Variants in ACACA observed in about 807,000 individuals in gnomAD.
ACACA encodes the protein acetyl-CoA carboxylase 1.
ACACA carries 103 observed loss-of-function variants against 296.1 expected under a neutral mutation model. That is an observed-to-expected ratio of 0.35 (90% CI 0.30 to 0.41). ACACA has a LOEUF of 0.41. ACACA is among the 10% of genes least tolerant of loss of function. The pLI is 1.00. For missense variants in ACACA, 1,554 were observed against 2,989.7 expected (o/e 0.52, Z 11.20); for synonymous variants, 953 against 1,038.6 (o/e 0.92, Z 1.58).
intron 1 of ACACA, chr17:37,388,731 T>C: frequency 6.2e-7 from 1 of 1,612,604 alleles, no homozygotes; most frequent in Non-Finnish European, 8.5e-7. Flanking sequence ...TTCTGATTGC[T>C]GTCACCCTGT....
Position 37,314,486 on chromosome 17 carries a change from G to C in ACACA, c.338+15687C>G, listed in dbSNP as rs1046062510. Among the ~76,000 whole-genome samples, 10 of 152,138 alleles carry C rather than the reference G, an allele frequency of 6.6e-5. No individual in the cohort carries two copies. In the South Asian group the frequency reaches 2.1e-3, roughly 32 times the overall value. Reference sequence around the variant, plus strand: ...AAACATTTATTAAGCACTGAAATGTGCCAAGCATTGTTCTAAGCTCTGAAA... The same window carrying C: ...AAACATTTATTAAGCACTGAAATGTCCCAAGCATTGTTCTAAGCTCTGAAA... On this transcript the variant is annotated intron_variant, in intron 3 of 55. Transcript: ENST00000616317.
At chr17:37,331,911 A>C (rs978972228) in intron 2 of ACACA, among the ~76,000 whole-genome samples, 13 of 152,062 alleles carry the variant, frequency 8.5e-5, no homozygotes, top group African/African-American at 2.7e-4. Flanking sequence ...AAAAAAAAAA[A>C]AACTTTACTT....
rs888049586 is a variant in ACACA at position 37,151,503 on chromosome 17, CGGCTAAAAGTGTATT to C, written c.5448-97_5448-83del. On this transcript the variant is annotated intron_variant, in intron 43 of 55. Transcript: ENST00000616317. ...TAAAAGAATAATCACCAATAAAAGG[CGGCTAAAAGTGTATT>C]GAAAGCTTATATTTAATGCCAGGGC... 3 of 1,553,514 alleles carry C rather than the reference CGGCTAAAAGTGTATT, an allele frequency of 1.9e-6. No individual in the cohort carries two copies. In the African/African-American group the frequency reaches 4.1e-5, roughly 21 times the overall value.
chr17:37,394,462 CG>C, intron 1 of ACACA, among the ~76,000 whole-genome samples: 1 of 151,938 alleles, frequency 6.6e-6, no homozygotes, highest in South Asian at 2.1e-4. Context: ...CCACCCGCGT[CG>C]GCCTCACAAA....
intron 1 of ACACA, chr17:37,391,789 C>G (rs1040683959): frequency 2.2e-6 from 3 of 1,368,232 alleles, no homozygotes; most frequent in Non-Finnish European, 3.1e-6. Flanking sequence ...AATATGGGCA[C>G]ATTCTTGCCA....
chr17:37,234,883 G>GT (rs1314395880), intron 25 of ACACA, 92 bp downstream of exon 25: 74 of 1,425,736 alleles, frequency 5.2e-5, no homozygotes, highest in Non-Finnish European at 6.3e-5. Context: ...AAAGGCAGTA[G>GT]TTTTTTTTCT....
At chr17:37,207,128 TTTTG>T (rs1398653985) in intron 31 of ACACA, among the ~76,000 whole-genome samples, 1 of 152,190 alleles carries the variant, frequency 6.6e-6, no homozygotes, top group Non-Finnish European at 1.5e-5. Context: ...TCTAAAGCTT[TTTTG>T]TTTGTTTTGT....
intron 39 of ACACA, among the ~76,000 whole-genome samples, chr17:37,186,764 G>A (rs1325126244): frequency 6.6e-6 from 1 of 152,072 alleles, no homozygotes; most frequent in Non-Finnish European, 1.5e-5. Flanking sequence ...CATTCTTTCA[G>A]ATGCTTATTG....
At chr17:37,378,709 G>C (rs2050111630) in intron 1 of ACACA, among the ~76,000 whole-genome samples, 1 of 151,944 alleles carries the variant, frequency 6.6e-6, no homozygotes, top group African/African-American at 2.4e-5. Flanking sequence ...GCAAAACTCT[G>C]GGCAACAAGA....
intron 3 of ACACA, among the ~76,000 whole-genome samples, chr17:37,291,220 G>C (rs2083049418): frequency 1.4e-5 from 2 of 145,874 alleles, no homozygotes; most frequent in Admixed American, 1.4e-4. Flanking sequence ...TTGTTGCCCA[G>C]GCTGGAGTAC....
chr17:37,339,784 G>A lies in ACACA; in HGVS notation c.85+20C>T, dbSNP rs751671601. 2 of 1,341,176 alleles carry A rather than the reference G, an allele frequency of 1.5e-6. No individual in the cohort carries two copies. The highest frequency in any genetic ancestry group is 1.1e-6 in the Non-Finnish European group (1 of 939,372). The allele number at this position is 1,341,176 out of a possible 1,614,324, so 83.1% of individuals were successfully genotyped here. A position where few individuals can be genotyped will look rare whatever the true frequency, so the allele number is the denominator to read the frequency against. On this transcript the variant is annotated intron_variant, in intron 2 of 55. Coordinates refer to ENST00000616317, the MANE Select transcript of ACACA (RefSeq NM_198834.3). ...AAATTTTTATCACATTGTAAACAAG[G>A]AGTATTATTTGTAACTGACCTCTTA... is the stretch of plus-strand genomic sequence containing the variant.
intron 1 of ACACA, among the ~76,000 whole-genome samples, chr17:37,389,912 G>A (rs564623072): frequency 6.7e-6 from 1 of 150,120 alleles, no homozygotes; most frequent in African/African-American, 2.5e-5. Context: ...ATACAATAGG[G>A]TGCTTATTGA....
chr17:37,272,398 C>G (rs2082108045), intron 9 of ACACA, among the ~76,000 whole-genome samples: 2 of 152,122 alleles, frequency 1.3e-5, no homozygotes, highest in South Asian at 2.1e-4. Context: ...AATTTTTAAT[C>G]TATGTCAATC....
At chr17:37,130,275 G>A (rs188102863) in intron 45 of ACACA, 57 bp from the exon 46 acceptor site, 310 of 1,600,428 alleles carry the variant, frequency 1.9e-4, no homozygotes, top group South Asian at 3.1e-4. Flanking sequence ...AGGCATGGTC[G>A]ATTTCACAAG....
At chr17:37,305,306 A>T (rs1441630133) in intron 3 of ACACA, among the ~76,000 whole-genome samples, 1 of 152,136 alleles carries the variant, frequency 6.6e-6, no homozygotes, top group Non-Finnish European at 1.5e-5. Flanking sequence ...GCCTGAGCTA[A>T]ATCTGTGAAT....
chr17:37,370,485 A>G (rs975158531), intron 1 of ACACA, among the ~76,000 whole-genome samples: 2 of 107,790 alleles, frequency 1.9e-5, no homozygotes, highest in African/African-American at 1.2e-4. Flanking sequence ...AGTCTCTACT[A>G]AAAAAAAAAA....
chr17:37,143,014 T>C lies in ACACA; in HGVS notation c.5679+6850A>G, dbSNP rs886474381. Among the ~76,000 whole-genome samples, 3 of 152,212 alleles carry C rather than the reference T, an allele frequency of 2.0e-5. No individual in the cohort carries two copies. The East Asian group carries it at 5.8e-4, about 29-fold the overall frequency. On this transcript the variant is annotated intron_variant, in intron 45 of 55. Coordinates refer to ENST00000616317, the MANE Select transcript of ACACA (RefSeq NM_198834.3). ...GAAGACTATGGCAGTGCCAATGTTT[T>C]ACCTATTTTGGCTCATTTAATTCTC...
At chr17:37,308,011 T>C (rs2083961296) in intron 3 of ACACA, among the ~76,000 whole-genome samples, 4 of 152,100 alleles carry the variant, frequency 2.6e-5, no homozygotes, top group African/African-American at 9.7e-5. Flanking sequence ...ATAGAACCTA[T>C]AATCACCAAC....
Position 37,244,753 on chromosome 17 carries a change from G to T in ACACA, c.2596-19C>A. On this transcript the variant is annotated intron_variant, in intron 20 of 55. Coordinates refer to ENST00000616317, the MANE Select transcript of ACACA (RefSeq NM_198834.3). ...GTTCAGCCTGTCAACCCCAACAAGA[G>T]ATCAAGTCATCTACTACTTTTGATC... The T allele has an allele frequency of 6.2e-7, 1 of 1,614,088 alleles. No homozygotes were observed. The highest frequency in any genetic ancestry group is 1.1e-5 in the South Asian group (1 of 91,076).
Sources: gnomAD v4.1 joint callset for allele counts (sites outside exome capture counted in the v4.1 genomes callset) on GRCh38, gnomAD v4.1.1 for gene constraint, MANE v1.5 for transcripts, NCBI Gene and HGNC (gene_info 2026-07-23, HGNC 2026-07-21) for gene names.